The following GRM1 variants were observed in gnomAD, a reference collection of about 807,000 sequenced individuals.
GRM1 encodes the protein metabotropic glutamate receptor 1.
Under a neutral mutation model 90.9 loss-of-function variants are expected in GRM1, and 33 were observed. The observed-to-expected ratio is 0.36, with a 90% confidence interval of 0.28 to 0.49. The LOEUF (loss-of-function observed/expected upper bound fraction) is 0.49. Among genes scored for constraint, GRM1 ranks in the 20% least tolerant of loss-of-function variants. The pLI is 0.99. For missense variants in GRM1, 1,190 were observed against 1,534.3 expected (o/e 0.78, Z 3.75); for synonymous variants, 700 against 613.2 (o/e 1.14, Z -2.09).
chr6:146,412,980 C>T (rs1289518568), intron 7 of GRM1, among the ~76,000 whole-genome samples: 4 of 152,110 alleles, frequency 2.6e-5, no homozygotes, highest in Non-Finnish European at 5.9e-5. Flanking sequence ...ATGTTTAACA[C>T]TTACCTCCTG....
intron 2 of GRM1, among the ~76,000 whole-genome samples, chr6:146,291,181 T>C (rs1782968050): frequency 6.6e-6 from 1 of 152,106 alleles, no homozygotes; most frequent in Non-Finnish European, 1.5e-5. Context: ...CTGGTATGCT[T>C]TTGCATATCA....
At chr6:146,188,584 C>G (rs1264520397) in intron 2 of GRM1, among the ~76,000 whole-genome samples, 1 of 152,134 alleles carries the variant, frequency 6.6e-6, no homozygotes, top group African/African-American at 2.4e-5. Flanking sequence ...TCTCCCCATA[C>G]CCCAATAACT....
chr6:146,337,507 G>C (rs997522066), intron 3 of GRM1, among the ~76,000 whole-genome samples: 6 of 152,198 alleles, frequency 3.9e-5, no homozygotes, highest in Non-Finnish European at 8.8e-5. Context: ...TATATGGAAA[G>C]TAAGGGATAG....
Position 146,357,551 on chromosome 6 carries a change from A to T in GRM1, c.1459A>T (p.Thr487Ser). 1 of 1,613,582 alleles carries T rather than the reference A, an allele frequency of 6.2e-7. No homozygotes were observed. The highest frequency in any genetic ancestry group is 1.6e-4 in the Middle Eastern group (1 of 6,062). ...GTATGATATCATGAATCTGCAGTAC[A>T]CTGAAGCTAATCGCTATGACTATGT... Reference protein sequence around the residue: ...GRYDIMNLQYTEANRYDYVHV... With the variant: ...GRYDIMNLQYSEANRYDYVHV... The change falls in exon 5 of 8, where the codon ACT becomes TCT. Residue 487 changes from threonine (T) to serine (S), a missense_variant. By Grantham distance (58) the Thr-to-Ser change is moderately conservative (BLOSUM62 1). Transcript: ENST00000282753.
At chr6:146,318,094 G>A (rs1441719919) in intron 3 of GRM1, among the ~76,000 whole-genome samples, 1 of 152,134 alleles carries the variant, frequency 6.6e-6, no homozygotes, top group Admixed American at 6.6e-5. Flanking sequence ...GTGGTTTGCT[G>A]GACTCATCAA....
At chr6:146,105,290 G>A (rs1777189619) in intron 1 of GRM1, among the ~76,000 whole-genome samples, 2 of 152,052 alleles carry the variant, frequency 1.3e-5, no homozygotes, top group South Asian at 4.1e-4. Flanking sequence ...ATGGGAAATA[G>A]AAAAAGATAA....
chr6:146,241,341 A>G (rs1335017470), intron 2 of GRM1, among the ~76,000 whole-genome samples: 1 of 152,088 alleles, frequency 6.6e-6, no homozygotes, highest in Non-Finnish European at 1.5e-5. Context: ...AGACTGAGAG[A>G]TGAATAAGGT....
chr6:146,328,651 C>G, intron 3 of GRM1, among the ~76,000 whole-genome samples: 1 of 152,146 alleles, frequency 6.6e-6, no homozygotes, highest in East Asian at 1.9e-4. Flanking sequence ...GACATATGAT[C>G]TCTATCTTCT....
intron 2 of GRM1, among the ~76,000 whole-genome samples, chr6:146,282,016 C>T (rs1035316267): frequency 1.3e-5 from 2 of 152,146 alleles, no homozygotes; most frequent in Non-Finnish European, 2.9e-5. Context: ...TCCAGATGAG[C>T]AGTGCACAGG....
chr6:146,191,397 C>T (rs1350874466), intron 2 of GRM1, among the ~76,000 whole-genome samples: 3 of 152,198 alleles, frequency 2.0e-5, no homozygotes, highest in African/African-American at 7.2e-5. Flanking sequence ...AGGTGGTTTA[C>T]TGGATGGTTT....
At chr6:146,208,807 C>T (rs892287541) in intron 2 of GRM1, among the ~76,000 whole-genome samples, 18 of 152,096 alleles carry the variant, frequency 1.2e-4, no homozygotes, top group African/African-American at 4.3e-4. Context: ...GAATAATCTC[C>T]AGCTCTCAGT....
At chr6:146,183,970 C>A (rs368577811) in intron 2 of GRM1, among the ~76,000 whole-genome samples, 9 of 152,286 alleles carry the variant, frequency 5.9e-5, no homozygotes, top group African/African-American at 1.7e-4. Flanking sequence ...CTGTAAATCA[C>A]ACTTGGAGTG....
rs1776223623 is a variant in GRM1, at chr6:146,127,048, T to G, written c.701-32300T>G. ...ATTGCTAGGGCTCCTCCCAGTGTCT[T>G]GAAAAGAGCCCATGTAAGTGAGCAG... On this transcript the variant is annotated intron_variant, in intron 1 of 7. Transcript: ENST00000282753. Among the ~76,000 whole-genome samples the G allele has an allele frequency of 1.3e-5, 2 of 152,244 alleles. 1 individual carries two copies. Among genetic ancestry groups the G allele is most frequent in the South Asian group, 4.1e-4 (2 of 4,838 alleles).
chr6:146,249,308 C>G (rs1781188080), intron 2 of GRM1, among the ~76,000 whole-genome samples: 1 of 152,132 alleles, frequency 6.6e-6, no homozygotes, highest in Non-Finnish European at 1.5e-5. Flanking sequence ...CAGCCTCTCC[C>G]ATTACAAGTC....
intron 1 of GRM1, among the ~76,000 whole-genome samples, chr6:146,133,589 A>G (rs889312265): frequency 6.6e-6 from 1 of 152,158 alleles, no homozygotes; most frequent in Non-Finnish European, 1.5e-5. Flanking sequence ...CCCTCTCAGG[A>G]GTCCTCTTGT....
intron 2 of GRM1, among the ~76,000 whole-genome samples, chr6:146,271,349 G>A (rs544407685): frequency 9.2e-5 from 14 of 152,188 alleles, no homozygotes; most frequent in Non-Finnish European, 1.9e-4. Flanking sequence ...CCAGTTGAGA[G>A]GTTGCCAGGG....
At chr6:146,421,498 C>T (rs1473899165) in intron 7 of GRM1, among the ~76,000 whole-genome samples, 1 of 151,916 alleles carries the variant, frequency 6.6e-6, no homozygotes, top group Non-Finnish European at 1.5e-5. Context: ...ATAAAATATG[C>T]CAAGTGACAA....
chr6:146,327,890 G>C (rs145443517), intron 3 of GRM1, among the ~76,000 whole-genome samples: 1 of 152,086 alleles, frequency 6.6e-6, no homozygotes. Flanking sequence ...GAGAGATTTC[G>C]ATGGGCGATT....
chr6:146,365,870 G>C (rs1349126329), intron 5 of GRM1, among the ~76,000 whole-genome samples: 1 of 152,100 alleles, frequency 6.6e-6, no homozygotes, highest in Non-Finnish European at 1.5e-5. Flanking sequence ...TCAAGGAGGC[G>C]GTCACTCTCA....
Sources: allele counts gnomAD v4.1 joint callset (sites outside exome capture counted in the v4.1 genomes callset), GRCh38; gene constraint gnomAD v4.1.1; transcripts MANE v1.5; gene names NCBI Gene and HGNC (gene_info 2026-07-23, HGNC 2026-07-21).